The following WDPCP variants were observed in gnomAD, a reference collection of about 807,000 sequenced individuals.
WDPCP encodes the protein WD repeat-containing and planar cell polarity effector protein fritz homolog.
A neutral mutation model predicts 93.1 loss-of-function variants in WDPCP; 71 were observed. The ratio of observed to expected loss-of-function variants is 0.76; its 90% CI spans 0.63 to 0.93. The LOEUF is 0.93. Ranked by LOEUF, WDPCP falls within the 40% of genes least tolerant of loss-of-function variation. The probability of loss-of-function intolerance (pLI) is 0.00; values close to 1 mark genes in which losing one functional copy is unlikely to be tolerated. For synonymous variants in WDPCP, 315 were observed against 315.0 expected (o/e 1.00, Z 0.00); for missense variants, 844 against 887.4 (o/e 0.95, Z 0.62).
At position 63,558,332 on chromosome 2, in the gene WDPCP, A is replaced by C. The variant is rs558390251; in HGVS notation, c.75+29865T>G. 1.2e-3 allele frequency among the ~76,000 whole-genome samples: 178 copies of C among 152,138 alleles called. 1 individual carries two copies. The highest frequency in any genetic ancestry group is 4.1e-3 in the African/African-American group (171 of 41,500). On this transcript the variant is annotated intron_variant, in intron 1 of 17. Coordinates refer to ENST00000272321, the MANE Select transcript of WDPCP (RefSeq NM_015910.7). ...ATCTTGAGGTCAGGAGTTTGAGACCAGCCTGGCCAACACAGGGAAACCCCG... is the reference window on the plus strand; with the variant it reads ...ATCTTGAGGTCAGGAGTTTGAGACCCGCCTGGCCAACACAGGGAAACCCCG...
intron 14 of WDPCP, among the ~76,000 whole-genome samples, chr2:63,225,264 A>G (rs955265731): frequency 6.6e-6 from 1 of 151,850 alleles, no homozygotes; most frequent in South Asian, 2.1e-4. Flanking sequence ...TTGAAAGGGC[A>G]CCTCACAAAA....
intron 1 of WDPCP, among the ~76,000 whole-genome samples, chr2:63,531,407 CCT>C (rs1221151322): frequency 5.3e-5 from 8 of 152,188 alleles, no homozygotes; most frequent in African/African-American, 1.9e-4. Flanking sequence ...GTCCCTGACC[CCT>C]GAGTAGCCTA....
At chr2:63,684,696 T>A in intron 2 of WDPCP, 1 of 661,108 alleles carries the variant, frequency 1.5e-6, no homozygotes, top group Non-Finnish European at 2.9e-6. Context: ...AAGTGGTTCT[T>A]CCAGAAGCTG....
chr2:63,582,184 CAT>C (rs2106552804), intron 1 of WDPCP, among the ~76,000 whole-genome samples: 1 of 152,102 alleles, frequency 6.6e-6, no homozygotes, highest in South Asian at 2.1e-4. Context: ...CTGTATTCCA[CAT>C]GTTAAACAAA....
intron 7 of WDPCP, 108 bp downstream of exon 7, chr2:63,439,649 G>T: frequency 2.2e-6 from 2 of 917,312 alleles, no homozygotes; most frequent in Non-Finnish European, 3.5e-6. Context: ...GCAATTACTT[G>T]TTGTGTTTGC....
chr2:63,806,546 C>T (rs571839987), intron 2 of WDPCP, among the ~76,000 whole-genome samples: 1 of 152,250 alleles, frequency 6.6e-6, no homozygotes, highest in East Asian at 1.9e-4. Context: ...TTGAGATCAA[C>T]CGGTCTGACC....
At chr2:63,806,912 T>C (rs1670775336) in intron 2 of WDPCP, among the ~76,000 whole-genome samples, 1 of 152,182 alleles carries the variant, frequency 6.6e-6, no homozygotes, top group African/African-American at 2.4e-5. Flanking sequence ...ACACACATGC[T>C]GTACAATTTG....
intron 1 of WDPCP, among the ~76,000 whole-genome samples, chr2:63,536,828 C>A (rs1471043958): frequency 1.4e-5 from 2 of 137,982 alleles, no homozygotes; most frequent in Non-Finnish European, 3.0e-5. Context: ...TGCAGTGGCG[C>A]GATCTTGGCT....
chr2:63,782,735 G>T (rs1558909466), intron 2 of WDPCP, among the ~76,000 whole-genome samples: 1 of 138,632 alleles, frequency 7.2e-6, no homozygotes, highest in Non-Finnish European at 1.6e-5. Flanking sequence ...CAGTCCACAG[G>T]CAACATGTGT....
At chr2:63,482,482 A>C (rs575806325) in intron 6 of WDPCP, among the ~76,000 whole-genome samples, 1 of 152,068 alleles carries the variant, frequency 6.6e-6, no homozygotes, top group Non-Finnish European at 1.5e-5. Context: ...CTTTATAACT[A>C]AGGAAAATTT....
chr2:63,439,449 C>T (rs1697353909), intron 7 of WDPCP, among the ~76,000 whole-genome samples: 1 of 151,740 alleles, frequency 6.6e-6, no homozygotes, highest in South Asian at 2.1e-4. Flanking sequence ...ATTTGAAGTG[C>T]CAGTTATAGA....
chr2:63,617,698 G>A (rs1302048474), intron 3 of WDPCP, among the ~76,000 whole-genome samples: 4 of 151,988 alleles, frequency 2.6e-5, no homozygotes, highest in Non-Finnish European at 5.9e-5. Context: ...CCATCTTCCT[G>A]GAACAAATAC....
At chr2:63,563,474 A>C (rs1447805997) in intron 1 of WDPCP, among the ~76,000 whole-genome samples, 1 of 152,102 alleles carries the variant, frequency 6.6e-6, no homozygotes, top group African/African-American at 2.4e-5. Context: ...ATATTGTATA[A>C]TTTCATATAT....
chr2:63,267,596 C>T (rs769126342), intron 13 of WDPCP, among the ~76,000 whole-genome samples: 10 of 152,004 alleles, frequency 6.6e-5, no homozygotes, highest in Non-Finnish European at 1.5e-4. Context: ...TGATAAGGGG[C>T]CAATATCCAA....
intron 12 of WDPCP, among the ~76,000 whole-genome samples, chr2:63,317,389 CA>C (rs1200226216): frequency 5.3e-5 from 5 of 94,130 alleles, no homozygotes; most frequent in Admixed American, 5.0e-4. Flanking sequence ...GCCTGGGCAA[CA>C]AAAGTGAAAC....
At chr2:63,560,567 G>C (rs956149483) in intron 1 of WDPCP, among the ~76,000 whole-genome samples, 1 of 152,182 alleles carries the variant, frequency 6.6e-6, no homozygotes, top group Non-Finnish European at 1.5e-5. Flanking sequence ...CAATAGCAAA[G>C]ACTTGGAACG....
At position 63,153,561 on chromosome 2, in the gene WDPCP, T is replaced by G. The variant is rs1672025453; in HGVS notation, c.2092A>C (p.Arg698=). 1 of 1,612,340 alleles carries G rather than the reference T, an allele frequency of 6.2e-7. No individual in the cohort carries two copies. The highest frequency in any genetic ancestry group is 8.5e-7 in the Non-Finnish European group (1 of 1,179,040). The part of the protein sequence containing the change: ...NGSSNRQIID[R]RNELEKDICS... The stretch of plus-strand genomic sequence containing the variant: ...ATGTCTTTTTCAAGTTCATTCCTTC[T>G]GTCAATTATTTGTCTGCAGTATATG... The change falls in exon 16 of 18, where the codon AGA becomes CGA. Residue 698 remains arginine (R), a synonymous_variant. Transcript: ENST00000272321.
intron 17 of WDPCP, among the ~76,000 whole-genome samples, chr2:63,139,816 A>G (rs1670921095): frequency 6.6e-6 from 1 of 152,130 alleles, no homozygotes; most frequent in Non-Finnish European, 1.5e-5. Context: ...CTTTAGTTTA[A>G]TTAGGTCCCA....
Position 63,588,244 on chromosome 2 carries a change from A to T in WDPCP, c.28T>A (p.Tyr10Asn). The T allele has an allele frequency of 6.3e-7, 1 of 1,578,210 alleles. No homozygotes were observed. The highest frequency in any genetic ancestry group is 8.6e-7 in the Non-Finnish European group (1 of 1,159,562). ...GCGCGACTCCCGGCCGCTTTGGAGT[A>T]GGCGTCCCAGCAAAACTCTCGCCTC... MRREFCWDA[Y>N]SKAAGSRASS... is the part of the protein sequence containing the mutation. The change falls in exon 1 of 18, where the codon TAC becomes AAC. Residue 10 changes from tyrosine (Y) to asparagine (N), a missense_variant. Transcript: ENST00000272321.
Sources: gnomAD v4.1 joint callset for allele counts (sites outside exome capture counted in the v4.1 genomes callset) on GRCh38, gnomAD v4.1.1 for gene constraint, MANE v1.5 for transcripts, NCBI Gene and HGNC (gene_info 2026-07-23, HGNC 2026-07-21) for gene names.